Variants in LRRK2 observed in about 807,000 individuals in gnomAD.
LRRK2 encodes leucine-rich repeat serine/threonine-protein kinase 2.
A neutral mutation model predicts 302.6 loss-of-function variants in LRRK2; 203 were observed. The ratio of observed to expected loss-of-function variants is 0.67; its 90% CI spans 0.60 to 0.75. The LOEUF is 0.75. Ranked by LOEUF, LRRK2 falls within the 30% of genes least tolerant of loss-of-function variation. The pLI is 0.00. For missense variants in LRRK2, 2,830 were observed against 2,951.0 expected (o/e 0.96, Z 0.95); for synonymous variants, 1,066 against 1,031.9 (o/e 1.03, Z -0.63).
chr12:40,275,906 C>A (rs138590946), intron 16 of LRRK2, among the ~76,000 whole-genome samples: 1 of 152,112 alleles, frequency 6.6e-6, no homozygotes, highest in Non-Finnish European at 1.5e-5. Flanking sequence ...GCCAAGGTGC[C>A]CAGCTGACTC....
chr12:40,366,886 A>G, intron 49 of LRRK2, 120 bp from the exon 50 acceptor site: 1 of 698,484 alleles, frequency 1.4e-6, no homozygotes, highest in South Asian at 1.7e-5. Flanking sequence ...CCTAGAAAAT[A>G]GAATTGTGAA....
chr12:40,320,798 T>A (rs762507072), intron 34 of LRRK2, among the ~76,000 whole-genome samples: 2 of 152,040 alleles, frequency 1.3e-5, no homozygotes, highest in Non-Finnish European at 1.5e-5. Flanking sequence ...AATTTATGTA[T>A]TAGTGCACAG....
intron 25 of LRRK2, chr12:40,301,037 C>T (rs542083087): frequency 2.2e-5 from 10 of 461,864 alleles, no homozygotes; most frequent in East Asian, 2.1e-4. Context: ...AAATTGAAGC[C>T]GTGAGATTTT....
chr12:40,356,211 T>C, intron 46 of LRRK2, 24 bp downstream of exon 46: 2 of 1,537,966 alleles, frequency 1.3e-6, no homozygotes, highest in Non-Finnish European at 1.8e-6. Flanking sequence ...GCATTCTACA[T>C]CTAAATTTAT....
intron 6 of LRRK2, 102 bp from the exon 7 acceptor site, chr12:40,243,448 T>TTACAGTCTATATA (rs1161715013): frequency 1.5e-6 from 2 of 1,310,922 alleles, no homozygotes; most frequent in Non-Finnish European, 1.1e-6. Context: ...ATGCAGTCAT[T>TTACAGTCTATATA]ATGCTGCCAT....
chr12:40,263,881 G>C lies in LRRK2; in HGVS notation c.1636G>C (p.Val546Leu). Residue 546 changes from valine to leucine, a missense_variant, in exon 14 of 51, where the codon GTC becomes CTC. Val to Leu is a conservative substitution (Grantham distance 32). Around this residue, in one of 3 missense-constraint regions of LRRK2, gnomAD observed 2,121 missense variants for 2,148.0 expected, o/e 0.99. Transcript: ENST00000298910. ...QCFKNDIHKL[V>L]LAALNRFIGN... The stretch of plus-strand genomic sequence containing the variant: ...TTTCAAGAATGATATTCACAAACTG[G>C]TCCTAGCAGCTTTGAACAGGGTATG... 6.2e-7 allele frequency: 1 copy of C among 1,611,168 alleles called. No homozygotes were observed. The highest frequency in any genetic ancestry group is 1.1e-5 in the South Asian group (1 of 90,844).
At chr12:40,339,850 A>G (rs770252424) in intron 40 of LRRK2, among the ~76,000 whole-genome samples, 1 of 152,230 alleles carries the variant, frequency 6.6e-6, no homozygotes, top group Non-Finnish European at 1.5e-5. Flanking sequence ...CTAAACCTCT[A>G]TGTGGTTTTA....
At position 40,368,352 on chromosome 12, in the gene LRRK2, A is replaced by G. The variant is rs1410889425; in HGVS notation, c.*587A>G. ...AGTGCATCTTACACAACTTCACTCA[A>G]TTCAAAAGAAAACTCCATTAAAAGT... On this transcript the variant is annotated 3_prime_UTR_variant, in exon 51 of 51. Coordinates refer to ENST00000298910, the MANE Select transcript of LRRK2 (RefSeq NM_198578.4). 1 of 151,878 alleles carries G rather than the reference A, an allele frequency of 6.6e-6. No individual in the cohort carries two copies. The highest frequency in any genetic ancestry group is 2.4e-5 in the African/African-American group (1 of 41,408). The allele number at this position is 151,878 out of a possible 1,614,324, so 9.4% of individuals were successfully genotyped here. A position where few individuals can be genotyped will look rare whatever the true frequency, so the allele number is the denominator to read the frequency against.
chr12:40,283,694 T>C (rs1943799872), intron 18 of LRRK2, among the ~76,000 whole-genome samples, 181 bp from the exon 19 acceptor site: 1 of 152,236 alleles, frequency 6.6e-6, no homozygotes, highest in Non-Finnish European at 1.5e-5. Flanking sequence ...TATTCTGACA[T>C]TGATGGCATT....
At chr12:40,333,195 T>A (rs1029388693) in intron 39 of LRRK2, among the ~76,000 whole-genome samples, 2 of 151,878 alleles carry the variant, frequency 1.3e-5, no homozygotes, top group Non-Finnish European at 2.9e-5. Flanking sequence ...CCAACTGACA[T>A]GGGCATTAAA....
At position 40,293,852 on chromosome 12, in the gene LRRK2, A is replaced by G. The variant is rs4483664; in HGVS notation, c.2808+189A>G. Among the ~76,000 whole-genome samples the G allele has an allele frequency of 0.7, 105,139 of 149,768 alleles. 37,151 individuals carry two copies. Among genetic ancestry groups the G allele is most frequent in the African/African-American group, 0.74 (30,436 of 40,902 alleles). ...TAGATGTAAATTATGCTCAATTCAC[A>G]TTTGTAGTCTTTTGAGTATGCAGGG... On this transcript the variant is annotated intron_variant, in intron 21 of 50. Coordinates refer to ENST00000298910, the MANE Select transcript of LRRK2 (RefSeq NM_198578.4).
intron 18 of LRRK2, among the ~76,000 whole-genome samples, chr12:40,281,092 A>G (rs1943678900): frequency 6.6e-6 from 1 of 151,640 alleles, no homozygotes; most frequent in African/African-American, 2.4e-5. Flanking sequence ...CAAAAAACGA[A>G]CCAACCAACC....
intron 30 of LRRK2, 114 bp downstream of exon 30, chr12:40,309,347 A>AG: frequency 7.4e-7 from 1 of 1,342,862 alleles, no homozygotes; most frequent in Non-Finnish European, 1.0e-6. Context: ...GTCTCTTTAA[A>AG]TACTTTCTTA....
intron 25 of LRRK2, among the ~76,000 whole-genome samples, chr12:40,300,403 C>G (rs1944580061): frequency 6.6e-6 from 1 of 152,156 alleles, no homozygotes; most frequent in Non-Finnish European, 1.5e-5. Flanking sequence ...ATTTTATCTT[C>G]CTTCATAGAG....
chr12:40,330,962 C>A (rs1264720598), intron 39 of LRRK2, among the ~76,000 whole-genome samples: 2 of 152,212 alleles, frequency 1.3e-5, no homozygotes, highest in Non-Finnish European at 2.9e-5. Flanking sequence ...TTCTTTCCAT[C>A]CCCTCTGGTT....
At position 40,293,893 on chromosome 12, in the gene LRRK2, GCA is replaced by G. The variant is rs66487867; in HGVS notation, c.2808+233_2808+234del. Among the ~76,000 whole-genome samples, 62,386 of 127,422 alleles carry G rather than the reference GCA, an allele frequency of 0.49. 14,145 individuals are homozygous for G. The highest frequency in any genetic ancestry group is 0.61 in the South Asian group (2,572 of 4,202). The allele number at this position is 127,422 out of a possible 152,430, so 83.6% of individuals were successfully genotyped here. On this transcript the variant is annotated intron_variant, in intron 21 of 50. Transcript: ENST00000298910. ...GTATGCAGGGTATGAATTTTTTGGG[GCA>G]CATATATATATATATATATACTTAC...
chr12:40,304,131 A>G lies in LRRK2; in HGVS notation c.3774A>G (p.Lys1258=). 1 of 1,612,786 alleles carries G rather than the reference A, an allele frequency of 6.2e-7. No homozygotes were observed. The highest frequency in any genetic ancestry group is 8.5e-7 in the Non-Finnish European group (1 of 1,179,316). ...EKLHLSHNKL[K]EIPPEIGCLE... is the part of the protein sequence containing the mutation. ...TGCATCTTTCTCACAATAAACTGAA[A>G]GAGGTAAGACGATTATTGCCACTTA... Residue 1258 remains lysine (K), a synonymous_variant, in exon 27 of 51, where the codon AAA becomes AAG. Coordinates refer to ENST00000298910, the MANE Select transcript of LRRK2 (RefSeq NM_198578.4).
Position 40,348,453 on chromosome 12 carries a change from A to C in LRRK2, c.6325A>C (p.Lys2109Gln). Residue 2109 changes from lysine to glutamine, a missense_variant, in exon 43 of 51, where the codon AAA (lysine) becomes CAA (glutamine). Lys to Gln is a moderately conservative substitution (Grantham distance 53). Coordinates refer to ENST00000298910, the MANE Select transcript of LRRK2 (RefSeq NM_198578.4). The part of the protein sequence containing the change: ...YGCAPWPMVE[K>Q]LIKQCLKENP... ...TTGTGCCCCATGGCCTATGGTTGAGAAATTAATTAAACAGTGTTTGAAAGA... is the reference window on the plus strand; with the variant it reads ...TTGTGCCCCATGGCCTATGGTTGAGCAATTAATTAAACAGTGTTTGAAAGA... 2 of 1,612,990 alleles carry C rather than the reference A, an allele frequency of 1.2e-6. No individual in the cohort carries two copies. The highest frequency in any genetic ancestry group is 1.7e-6 in the Non-Finnish European group (2 of 1,179,232).
At chr12:40,315,369 T>G in intron 33 of LRRK2, 69 bp downstream of exon 33, 1 of 1,299,280 alleles carries the variant, frequency 7.7e-7, no homozygotes, top group Non-Finnish European at 1.1e-6. Context: ...GCCCAGAGCA[T>G]TGAGCATTTT....
Sources: gnomAD v4.1 joint callset for allele counts (sites outside exome capture counted in the v4.1 genomes callset) on GRCh38, gnomAD v4.1.1 for gene constraint, gnomAD v4.1.1 regional missense constraint, MANE v1.5 for transcripts, NCBI Gene and HGNC (gene_info 2026-07-23, HGNC 2026-07-21) for gene names.